The following NCAPD3 variants were observed in gnomAD, a reference collection of about 807,000 sequenced individuals.
NCAPD3 encodes condensin-2 complex subunit D3.
NCAPD3 carries 105 observed loss-of-function variants against 182.9 expected under a neutral mutation model. The ratio of observed to expected loss-of-function variants is 0.57; its 90% CI spans 0.49 to 0.68. NCAPD3 has a LOEUF of 0.68. Ranked by LOEUF, NCAPD3 falls within the 30% of genes least tolerant of loss-of-function variation. NCAPD3 has a pLI of 0.00. For missense variants in NCAPD3, 1,944 were observed against 1,837.0 expected (o/e 1.06, Z -1.07); for synonymous variants, 815 against 679.9 (o/e 1.20, Z -3.09).
chr11:134,223,195 C>T (rs985736987), intron 1 of NCAPD3: 2 of 545,604 alleles, frequency 3.7e-6, no homozygotes, highest in African/African-American at 1.9e-5. Flanking sequence ...TTTCAAAAGT[C>T]GTTCTGCAAA....
rs1404171263 is a variant in NCAPD3 at position 134,156,927 on chromosome 11, A to C, written c.4252+91T>G. Reference sequence around the variant, plus strand: ...GTTCTGACCATCAGAACTATCCTGCACCGGAAGGAGTTTTACTGCGACTCT... The same window carrying C: ...GTTCTGACCATCAGAACTATCCTGCCCCGGAAGGAGTTTTACTGCGACTCT... On this transcript the variant is annotated intron_variant, in intron 32 of 34. Transcript: ENST00000534548. The C allele has an allele frequency of 3.5e-6, 4 of 1,136,678 alleles. No individual in the cohort carries two copies. In the East Asian group the frequency reaches 9.5e-5, roughly 27 times the overall value. 70.4% of individuals were successfully genotyped at this position (1,136,678 alleles called of 1,614,324 possible).
chr11:134,162,081 C>T (rs1335358051), intron 27 of NCAPD3, among the ~76,000 whole-genome samples, 190 bp from the exon 28 acceptor site: 5 of 152,214 alleles, frequency 3.3e-5, no homozygotes, highest in Non-Finnish European at 7.3e-5. Context: ...CCTCAAAACA[C>T]TCTGAAGGCT....
intron 7 of NCAPD3, among the ~76,000 whole-genome samples, chr11:134,208,661 G>A (rs1451699240): frequency 6.6e-6 from 1 of 152,138 alleles, no homozygotes. Flanking sequence ...CAGCCACCAA[G>A]TATTCAGATA....
At chr11:134,197,176 C>T (rs1235949588) in intron 13 of NCAPD3, among the ~76,000 whole-genome samples, 2 of 152,112 alleles carry the variant, frequency 1.3e-5, no homozygotes, top group African/African-American at 4.8e-5. Flanking sequence ...TTCCTAAAGC[C>T]TCCCCAGAAA....
rs766153935 is a variant in NCAPD3 at position 134,158,396 on chromosome 11, C to T, written c.3967G>A (p.Gly1323Ser). ...SQPCTPRASA[G>S]HVAVSSPTPE... ...GTAGGAGATGATACTGCTACATGGC[C>T]AGCACTTGCCCTGGGTGTGCAGGGC... Residue 1323 changes from glycine (G) to serine (S), a missense_variant, in exon 30 of 35, where the codon GGC (glycine) becomes AGC (serine). Transcript: ENST00000534548. 3.1e-6 allele frequency: 5 copies of T among 1,614,076 alleles called. No individual in the cohort carries two copies. The highest frequency in any genetic ancestry group is 1.1e-5 in the South Asian group (1 of 91,082).
chr11:134,218,009 G>A (rs138084576), intron 2 of NCAPD3, among the ~76,000 whole-genome samples: 4 of 149,976 alleles, frequency 2.7e-5, no homozygotes, highest in Admixed American at 6.7e-5. Context: ...GAGGTGGGAG[G>A]CTCATGTGAG....
At chr11:134,165,126 G>T (rs1301540337) in intron 27 of NCAPD3, among the ~76,000 whole-genome samples, 1 of 151,414 alleles carries the variant, frequency 6.6e-6, no homozygotes, top group African/African-American at 2.4e-5. Context: ...CTTGTGAGAT[G>T]AGCTTAGGGG....
upstream of NCAPD3, chr11:134,224,103 A>G (rs1025610157): frequency 4.0e-6 from 3 of 759,006 alleles, no homozygotes; most frequent in Middle Eastern, 2.4e-4. Flanking sequence ...CCGCACGCTC[A>G]GAGAACTGGG....
At chr11:134,185,213 C>A (rs548860861) in intron 17 of NCAPD3, 122 bp downstream of exon 17, 219 of 979,072 alleles carry the variant, frequency 2.2e-4, no homozygotes, top group Non-Finnish European at 2.4e-4. Context: ...TGTTTTTATA[C>A]CAGGTTTTAA....
intron 28 of NCAPD3, among the ~76,000 whole-genome samples, chr11:134,160,910 G>A (rs1943558708): frequency 6.6e-6 from 1 of 151,160 alleles, no homozygotes. Context: ...TTTCTTAAGT[G>A]TTTAAGTAGT....
intron 12 of NCAPD3, 87 bp downstream of exon 12, chr11:134,203,053 TAA>T: frequency 8.2e-7 from 1 of 1,212,146 alleles, no homozygotes; most frequent in Non-Finnish European, 1.2e-6. Flanking sequence ...TTAAAGCAGG[TAA>T]ATAAGGAGGT....
In NCAPD3 at chr11:134,161,906, A is replaced by G; in HGVS notation, c.3574-15T>C. 2 of 1,377,508 alleles carry G rather than the reference A, an allele frequency of 1.5e-6. No homozygotes were observed. Among genetic ancestry groups the G allele is most frequent in the East Asian group, 4.6e-5 (2 of 43,058 alleles). 85.3% of individuals were successfully genotyped at this position (1,377,508 alleles called of 1,614,324 possible). ...CTCTTCTGAACCTGGTAACACAAAC[A>G]AAGACATGTTTTAGATGTATGAACT... On this transcript the variant is annotated splice_polypyrimidine_tract_variant and intron_variant, in intron 27 of 34. Coordinates refer to ENST00000534548, the MANE Select transcript of NCAPD3 (RefSeq NM_015261.3).
chr11:134,154,943 T>G (rs903496723), intron 32 of NCAPD3, among the ~76,000 whole-genome samples: 7 of 152,226 alleles, frequency 4.6e-5, no homozygotes, highest in Admixed American at 3.3e-4. Flanking sequence ...TCTCTCCTTG[T>G]GCTGTCACAT....
chr11:134,172,180 G>C (rs1373882201), intron 24 of NCAPD3, among the ~76,000 whole-genome samples: 2 of 152,152 alleles, frequency 1.3e-5, no homozygotes, highest in African/African-American at 4.8e-5. Flanking sequence ...TCTGCCTCTT[G>C]CGCTCTCTGC....
chr11:134,203,206 C>G lies in NCAPD3; in HGVS notation c.1469-8G>C, dbSNP rs370215498. On this transcript the variant is annotated splice_region_variant and splice_polypyrimidine_tract_variant and intron_variant, in intron 11 of 34. Transcript: ENST00000534548. The stretch of plus-strand genomic sequence containing the variant: ...TTACAGAAAACGTAGGACCTAAAAA[C>G]AAGAAGAAAGATAAGAAGGAAGAAG... 2.0e-5 allele frequency: 31 copies of G among 1,583,902 alleles called. 1 individual carries two copies. In the South Asian group the frequency reaches 3.2e-4, roughly 16 times the overall value.
chr11:134,157,870 G>C, intron 31 of NCAPD3, 58 bp downstream of exon 31: 1 of 1,527,860 alleles, frequency 6.5e-7, no homozygotes, highest in Non-Finnish European at 8.9e-7. Flanking sequence ...GAAGTAGCTT[G>C]TTCTGTGTTT....
chr11:134,202,762 G>T, intron 13 of NCAPD3, 54 bp downstream of exon 13: 1 of 1,352,782 alleles, frequency 7.4e-7, no homozygotes, highest in Non-Finnish European at 1.0e-6. Context: ...TCTACTTACG[G>T]TTGTCTGAAA....
intron 24 of NCAPD3, among the ~76,000 whole-genome samples, chr11:134,169,317 TCA>T (rs1943950303): frequency 1.3e-5 from 2 of 152,342 alleles, no homozygotes; most frequent in South Asian, 4.1e-4. Flanking sequence ...CAAGGTGTTG[TCA>T]TCCAGCTGCA....
intron 28 of NCAPD3, among the ~76,000 whole-genome samples, chr11:134,160,447 G>A (rs771880192): frequency 2.6e-5 from 4 of 152,064 alleles, no homozygotes; most frequent in Non-Finnish European, 5.9e-5. Context: ...GGTTCCCAAT[G>A]GGAGAAAGAC....
Sources: gnomAD v4.1 joint callset for allele counts (sites outside exome capture counted in the v4.1 genomes callset) on GRCh38, gnomAD v4.1.1 for gene constraint, MANE v1.5 for transcripts, NCBI Gene and HGNC (gene_info 2026-07-23, HGNC 2026-07-21) for gene names.